Variants in TGFBR3 observed in about 807,000 individuals in gnomAD.
TGFBR3 encodes transforming growth factor beta receptor 3.
In TGFBR3, 46 loss-of-function variants were observed where a neutral mutation model predicts 87.9. That is an observed-to-expected ratio of 0.52 (90% confidence interval 0.41 to 0.67). The LOEUF is 0.67. Among genes scored for constraint, TGFBR3 ranks in the 30% least tolerant of loss-of-function variants. The pLI is 0.00. For synonymous variants in TGFBR3, 381 were observed against 391.6 expected (o/e 0.97, Z 0.32); for missense variants, 866 against 1,041.9 (o/e 0.83, Z 2.32).
At chr1:91,896,681 T>C (rs1266985932) in intron 2 of TGFBR3, among the ~76,000 whole-genome samples, 1 of 152,150 alleles carries the variant, frequency 6.6e-6, no homozygotes, top group Admixed American at 6.6e-5. Flanking sequence ...GGAGTAGAAA[T>C]AATGTATAAT....
rs749710802 is a variant in TGFBR3 at position 91,720,116 on chromosome 1, T to C, written c.1190A>G (p.Gln397Arg). The C allele has an allele frequency of 1.2e-6, 2 of 1,614,154 alleles. No homozygotes were observed. The highest frequency in any genetic ancestry group is 1.7e-6 in the Non-Finnish European group (2 of 1,180,024). Residue 397 changes from glutamine (Q) to arginine (R), a missense_variant, in exon 9 of 17, where the codon CAA becomes CGA. Coordinates refer to ENST00000212355, the MANE Select transcript of TGFBR3 (RefSeq NM_003243.5). ...GAAAGGAAACGGAAGGCCTCCATTT[T>C]GGCCTTCCCCTCCCCGGATGGGCGG... ...QNPPIRGGEG[Q>R]NGGLPFPFPD... is the part of the protein sequence containing the mutation.
chr1:91,872,264 G>A (rs1678610703), intron 1 of TGFBR3, among the ~76,000 whole-genome samples: 1 of 152,032 alleles, frequency 6.6e-6, no homozygotes, highest in South Asian at 2.1e-4. Context: ...ACCCATAAGA[G>A]TCTGACACTT....
At chr1:91,715,806 C>A (rs1672143298) in intron 12 of TGFBR3, among the ~76,000 whole-genome samples, 1 of 151,974 alleles carries the variant, frequency 6.6e-6, no homozygotes, top group African/African-American at 2.4e-5. Context: ...GCGGCATGGA[C>A]CCACAGGGAT....
intron 16 of TGFBR3, among the ~76,000 whole-genome samples, chr1:91,684,127 G>A (rs1220604195): frequency 6.6e-6 from 1 of 152,182 alleles, no homozygotes; most frequent in Non-Finnish European, 1.5e-5. Flanking sequence ...GAGAGTTGAT[G>A]ACAAAGTCCC....
chr1:91,794,245 T>C lies in TGFBR3; in HGVS notation c.246+3042A>G, dbSNP rs182942954. Among the ~76,000 whole-genome samples, 392 of 152,022 alleles carry C rather than the reference T, an allele frequency of 2.6e-3. 3 individuals are homozygous for C. Among genetic ancestry groups the C allele is most frequent in the African/African-American group, 8.9e-3 (368 of 41,482 alleles). On this transcript the variant is annotated intron_variant, in intron 3 of 16. Transcript: ENST00000212355. ...TTGAGATGGAGTCTCACTCTGTTGC[T>C]CAGGCTGGAGTGCAGCAGCGCAATC...
chr1:91,726,350 C>T (rs1466924666), intron 7 of TGFBR3, among the ~76,000 whole-genome samples: 2 of 152,036 alleles, frequency 1.3e-5, no homozygotes, highest in South Asian at 2.1e-4. Context: ...AACATTTGGC[C>T]GGTGTGCCAG....
At chr1:91,870,154 C>A (rs530000469) in intron 1 of TGFBR3, among the ~76,000 whole-genome samples, 4 of 152,286 alleles carry the variant, frequency 2.6e-5, no homozygotes, top group African/African-American at 9.6e-5. Context: ...ACACAAAAAA[C>A]CTGAATTTTG....
At chr1:91,725,676 T>C (rs979941122) in intron 7 of TGFBR3, among the ~76,000 whole-genome samples, 1 of 152,176 alleles carries the variant, frequency 6.6e-6, no homozygotes, top group Non-Finnish European at 1.5e-5. Flanking sequence ...GTGAGTACTA[T>C]CATCATACCC....
intron 2 of TGFBR3, among the ~76,000 whole-genome samples, chr1:91,847,020 C>T (rs1247321840): frequency 3.9e-5 from 6 of 152,132 alleles, no homozygotes; most frequent in African/African-American, 1.4e-4. Flanking sequence ...AGTCTTGCGG[C>T]GAGCTCCAGA....
chr1:91,854,931 G>A lies in TGFBR3; in HGVS notation c.61+6540C>T, dbSNP rs1677880039. ...TGCCTACCCCCAGAGGCTGCTGTGA[G>A]GATCAAATGAAATACCTGTTATAAA... On this transcript the variant is annotated intron_variant, in intron 2 of 16. Transcript: ENST00000212355. Among the ~76,000 whole-genome samples the A allele has an allele frequency of 2.0e-5, 3 of 152,136 alleles. No individual in the cohort carries two copies. In the South Asian group the frequency reaches 6.2e-4, roughly 32 times the overall value.
chr1:91,877,880 G>A (rs772525890), intron 1 of TGFBR3, among the ~76,000 whole-genome samples: 93 of 152,092 alleles, frequency 6.1e-4, no homozygotes, highest in Non-Finnish European at 1.1e-3. Context: ...CTAAAGTCTC[G>A]AAAATAAGAA....
In TGFBR3 at chr1:91,885,974, G is replaced by A. The variant is rs1256551661; in HGVS notation, c.-210C>T. Reference sequence around the variant, plus strand: ...CCAGCGCTCGGCGGCGGCGAGCTCCGGCAGCTGCTGCGCCGCGGCAAAACT... The same window carrying A: ...CCAGCGCTCGGCGGCGGCGAGCTCCAGCAGCTGCTGCGCCGCGGCAAAACT... On this transcript the variant is annotated 5_prime_UTR_variant, in exon 1 of 17. Transcript: ENST00000212355. 3 of 451,568 alleles carry A rather than the reference G, an allele frequency of 6.6e-6. No homozygotes were observed. The highest frequency in any genetic ancestry group is 3.1e-5 in the South Asian group (2 of 64,214). The allele number at this position is 451,568 out of a possible 1,614,324, so 28.0% of individuals were successfully genotyped here.
In TGFBR3 at chr1:91,683,664, C is replaced by A. The variant is rs576526609; in HGVS notation, c.*75G>T. 2 of 1,229,230 alleles carry A rather than the reference C, an allele frequency of 1.6e-6. No individual in the cohort carries two copies. The highest frequency in any genetic ancestry group is 1.5e-5 in the African/African-American group (1 of 67,122). 76.1% of individuals were successfully genotyped at this position (1,229,230 alleles called of 1,614,324 possible). On this transcript the variant is annotated 3_prime_UTR_variant, in exon 17 of 17. Transcript: ENST00000212355. ...CTCTGAGTCTGGACACGAGGCTCAG[C>A]CATTGGTCCTGCCCTTGGCAGTAGC... is the stretch of plus-strand genomic sequence containing the variant.
At chr1:91,801,284 C>A (rs993132629) in intron 2 of TGFBR3, among the ~76,000 whole-genome samples, 1 of 152,158 alleles carries the variant, frequency 6.6e-6, no homozygotes, top group Non-Finnish European at 1.5e-5. Flanking sequence ...TCAGACTTGG[C>A]CCTCCTTGCG....
chr1:91,781,521 C>T (rs542271863), intron 3 of TGFBR3, among the ~76,000 whole-genome samples: 1 of 152,180 alleles, frequency 6.6e-6, no homozygotes, highest in South Asian at 2.1e-4. Context: ...CAAGTGGGCT[C>T]ATTACTCAGA....
At chr1:91,831,842 G>A (rs1336025038) in intron 2 of TGFBR3, among the ~76,000 whole-genome samples, 1 of 152,120 alleles carries the variant, frequency 6.6e-6, no homozygotes, top group Non-Finnish European at 1.5e-5. Flanking sequence ...AAATATAATA[G>A]CCAACACATT....
intron 16 of TGFBR3, among the ~76,000 whole-genome samples, chr1:91,688,436 A>G (rs1009205947): frequency 1.1e-4 from 17 of 152,316 alleles, no homozygotes; most frequent in Non-Finnish European, 1.9e-4. Flanking sequence ...GGTTTGTTCA[A>G]TGGCTAGACT....
chr1:91,724,847 T>C (rs1295251180), intron 7 of TGFBR3, among the ~76,000 whole-genome samples: 1 of 152,146 alleles, frequency 6.6e-6, no homozygotes, highest in Non-Finnish European at 1.5e-5. Flanking sequence ...CACTCCCCCA[T>C]ATTTACATCT....
At chr1:91,815,489 C>T (rs1468070516) in intron 2 of TGFBR3, among the ~76,000 whole-genome samples, 1 of 151,826 alleles carries the variant, frequency 6.6e-6, no homozygotes, top group Non-Finnish European at 1.5e-5. Context: ...CAGAAAAGAA[C>T]CTCCTTTCTC....
Sources: gnomAD v4.1 joint callset for allele counts (sites outside exome capture counted in the v4.1 genomes callset) on GRCh38, gnomAD v4.1.1 for gene constraint, MANE v1.5 for transcripts, NCBI Gene and HGNC (gene_info 2026-07-23, HGNC 2026-07-21) for gene names.